DACH1: variants seen among roughly 807,000 people sequenced by gnomAD.
DACH1 encodes the protein dachshund family transcription factor 1.
In DACH1, 12 loss-of-function variants were observed where a neutral mutation model predicts 54.2. The ratio of observed to expected loss-of-function variants is 0.22; its 90% CI spans 0.14 to 0.36. The LOEUF is 0.36. Ranked by LOEUF, DACH1 falls within the 10% of genes least tolerant of loss-of-function variation. The pLI is 1.00. For missense variants in DACH1, 805 were observed against 929.8 expected, an observed-to-expected ratio of 0.87 and a Z score of 1.75; for synonymous variants, 386 against 366.2, an observed-to-expected ratio of 1.05 and a Z score of -0.62.
chr13:71,865,886 G>T (rs377041554), intron 1 of DACH1, 36 bp downstream of exon 1: 5 of 1,547,618 alleles, frequency 3.2e-6, no homozygotes, highest in Non-Finnish European at 4.4e-6. Context: ...TGGTGGGAAG[G>T]GGCGCGGGCG....
chr13:71,655,486 T>C (rs1056668067), intron 2 of DACH1, among the ~76,000 whole-genome samples: 1 of 151,658 alleles, frequency 6.6e-6, no homozygotes, highest in African/African-American at 2.4e-5. Flanking sequence ...TTCTCCTGCC[T>C]CAGCCTCCCG....
intron 1 of DACH1, among the ~76,000 whole-genome samples, chr13:71,799,078 A>C (rs148337833): frequency 3.9e-5 from 6 of 152,248 alleles, no homozygotes; most frequent in Non-Finnish European, 8.8e-5. Flanking sequence ...CCTTTATAAA[A>C]GCCTTGAATG....
intron 2 of DACH1, among the ~76,000 whole-genome samples, chr13:71,661,085 T>G (rs1255696155): frequency 6.6e-6 from 1 of 150,732 alleles, no homozygotes; most frequent in African/African-American, 2.4e-5. Flanking sequence ...CAAATATCTT[T>G]ATAAGATTTT....
intron 3 of DACH1, among the ~76,000 whole-genome samples, chr13:71,584,330 G>A (rs1873072125): frequency 6.6e-6 from 1 of 152,174 alleles, no homozygotes; most frequent in Admixed American, 6.5e-5. Flanking sequence ...TTTGCTCTGT[G>A]AGCTTCCTAT....
chr13:71,469,418 C>T (rs929847623), intron 10 of DACH1, among the ~76,000 whole-genome samples: 1 of 151,404 alleles, frequency 6.6e-6, no homozygotes, highest in Non-Finnish European at 1.5e-5. Context: ...AAATATGATT[C>T]TTTGGAGCTG....
chr13:71,552,838 TATATAGAGAGAGAGAGAG>T (rs1883954631), intron 6 of DACH1, among the ~76,000 whole-genome samples: 1 of 21,624 alleles, frequency 4.6e-5, no homozygotes, highest in African/African-American at 2.0e-4. Context: ...TATATATATA[TATATAGAGAGAGAGAGAG>T]AGAGAGAGAG....
At position 71,533,094 on chromosome 13, in the gene DACH1, CTT is replaced by C. The variant is rs544098345; in HGVS notation, c.1570+23928_1570+23929del. Among the ~76,000 whole-genome samples the C allele has an allele frequency of 8.9e-4, 134 of 149,916 alleles. 1 individual carries two copies. The highest frequency in any genetic ancestry group is 3.2e-3 in the African/African-American group (130 of 40,890). On this transcript the variant is annotated intron_variant, in intron 6 of 10. Coordinates refer to ENST00000613252, the MANE Select transcript of DACH1 (RefSeq NM_080759.6). ...ACTGGTCAGGAAAATTGTTTTAAGA[CTT>C]AAAAAAAAAACAAATCAGGAGAGAT... is the stretch of plus-strand genomic sequence containing the variant.
chr13:71,446,414 G>C (rs1016538556), intron 10 of DACH1, among the ~76,000 whole-genome samples: 1 of 152,182 alleles, frequency 6.6e-6, no homozygotes, highest in African/African-American at 2.4e-5. Flanking sequence ...TATCAGTAAA[G>C]CTAACATTTT....
At chr13:71,699,631 C>T (rs1032474743) in intron 1 of DACH1, among the ~76,000 whole-genome samples, 3 of 151,990 alleles carry the variant, frequency 2.0e-5, no homozygotes, top group African/African-American at 7.2e-5. Flanking sequence ...AATGTGAACA[C>T]GATGAAAAAA....
At chr13:71,531,046 C>G (rs910899759) in intron 6 of DACH1, among the ~76,000 whole-genome samples, 7 of 152,026 alleles carry the variant, frequency 4.6e-5, no homozygotes, top group Middle Eastern at 3.4e-3. Context: ...ATATATATAA[C>G]TATATCAAAA....
At chr13:71,668,480 G>A (rs1393430087) in intron 2 of DACH1, among the ~76,000 whole-genome samples, 1 of 152,062 alleles carries the variant, frequency 6.6e-6, no homozygotes, top group Non-Finnish European at 1.5e-5. Flanking sequence ...AAAAAGTCAT[G>A]TAGGATGTAT....
chr13:71,798,115 A>G (rs1427634078), intron 1 of DACH1, among the ~76,000 whole-genome samples: 1 of 151,952 alleles, frequency 6.6e-6, no homozygotes, highest in Non-Finnish European at 1.5e-5. Flanking sequence ...AAATAGGTAT[A>G]GAAAAGTAAA....
At chr13:71,503,117 G>A (rs1306869044) in intron 6 of DACH1, among the ~76,000 whole-genome samples, 2 of 152,138 alleles carry the variant, frequency 1.3e-5, no homozygotes, top group African/African-American at 4.8e-5. Flanking sequence ...GTCATACCTA[G>A]AACCACTTCA....
chr13:71,446,482 A>C (rs1197634359), intron 10 of DACH1, among the ~76,000 whole-genome samples: 1 of 152,166 alleles, frequency 6.6e-6, no homozygotes, highest in Non-Finnish European at 1.5e-5. Flanking sequence ...CTTTCCACCA[A>C]CCCAAGAAAA....
intron 6 of DACH1, among the ~76,000 whole-genome samples, chr13:71,507,435 C>T (rs1880426155): frequency 6.6e-6 from 1 of 152,046 alleles, no homozygotes; most frequent in African/African-American, 2.4e-5. Flanking sequence ...ACTATTTTTA[C>T]AATTGTTAAA....
intron 1 of DACH1, among the ~76,000 whole-genome samples, chr13:71,769,528 A>G (rs943459904): frequency 7.9e-5 from 12 of 151,708 alleles, no homozygotes. Flanking sequence ...ACCTTGGTTG[A>G]GTATCATGTG....
At chr13:71,595,907 T>C (rs912708815) in intron 3 of DACH1, among the ~76,000 whole-genome samples, 1 of 152,128 alleles carries the variant, frequency 6.6e-6, no homozygotes, top group Non-Finnish European at 1.5e-5. Context: ...GACACAAACA[T>C]GCAGTTTCTA....
chr13:71,769,513 CA>C (rs1885767946), intron 1 of DACH1, among the ~76,000 whole-genome samples: 1 of 151,608 alleles, frequency 6.6e-6, no homozygotes, highest in South Asian at 2.1e-4. Flanking sequence ...ACATTGTTAT[CA>C]AGCACCTTGG....
chr13:71,560,038 A>G, intron 4 of DACH1, 83 bp from the exon 5 acceptor site: 2 of 1,358,716 alleles, frequency 1.5e-6, no homozygotes, highest in Non-Finnish European at 1.9e-6. Context: ...TTTTTTCTCA[A>G]TACAATAAGA....
Sources: allele counts gnomAD v4.1 joint callset (sites outside exome capture counted in the v4.1 genomes callset), GRCh38; gene constraint gnomAD v4.1.1; transcripts MANE v1.5; gene names NCBI Gene and HGNC (gene_info 2026-07-23, HGNC 2026-07-21).